The following FYB1 variants were observed in gnomAD, a reference collection of about 807,000 sequenced individuals.
FYB1 encodes FYN binding protein 1.
FYB1 carries 41 observed loss-of-function variants against 94.1 expected under a neutral mutation model. That is an observed-to-expected ratio of 0.44 (90% confidence interval 0.34 to 0.57). The LOEUF (loss-of-function observed/expected upper bound fraction) is 0.57. FYB1 is among the 20% of genes least tolerant of loss of function. The pLI is 0.02. For missense variants in FYB1, 1,050 were observed against 976.8 expected (o/e 1.07, Z -1.00); for synonymous variants, 367 against 353.2 (o/e 1.04, Z -0.44).
At chr5:39,148,155 T>A (rs4957340) in intron 3 of FYB1, among the ~76,000 whole-genome samples, 1,800 of 37,424 alleles carry the variant, frequency 0.048, 216 homozygotes, top group East Asian at 0.17. Context: ...TATGTATTTT[T>A]TATATATATA....
chr5:39,195,531 T>A (rs573340323), intron 2 of FYB1, among the ~76,000 whole-genome samples: 1 of 152,186 alleles, frequency 6.6e-6, no homozygotes, highest in African/African-American at 2.4e-5. Context: ...ATTAGTTAAA[T>A]GATACATACA....
At chr5:39,205,409 G>A (rs766664997) in intron 1 of FYB1, among the ~76,000 whole-genome samples, 1 of 152,176 alleles carries the variant, frequency 6.6e-6, no homozygotes, top group Non-Finnish European at 1.5e-5. Flanking sequence ...ACAACTTGCT[G>A]TGTGTAAAAC....
chr5:39,224,009 T>C (rs1465064019), upstream of FYB1, among the ~76,000 whole-genome samples: 1 of 152,220 alleles, frequency 6.6e-6, no homozygotes, highest in Non-Finnish European at 1.5e-5. Context: ...TTCATGCCTA[T>C]CACTTGTCAA....
chr5:39,200,462 A>T (rs1034414337), intron 2 of FYB1, among the ~76,000 whole-genome samples: 3 of 152,248 alleles, frequency 2.0e-5, no homozygotes, highest in Non-Finnish European at 2.9e-5. Context: ...TGGAGGTCAT[A>T]ATACTAAATT....
chr5:39,221,792 T>A (rs1750274637), upstream of FYB1, among the ~76,000 whole-genome samples: 3 of 151,510 alleles, frequency 2.0e-5, no homozygotes, highest in Admixed American at 1.3e-4. Context: ...AGGTCAGGAG[T>A]TCGAGACTAG....
chr5:39,129,492 A>G lies in FYB1; in HGVS notation c.1840+1098T>C, dbSNP rs530490902. Among the ~76,000 whole-genome samples the G allele has an allele frequency of 7.9e-5, 12 of 152,216 alleles. No homozygotes were observed. In the South Asian group the frequency reaches 1.2e-3, roughly 16 times the overall value. ...ATTAAACTAAAAGCTTCTGTATGGC[A>G]AAGCAATCAACCAACAGAGTGAAGA... is the stretch of plus-strand genomic sequence containing the variant. On this transcript the variant is annotated intron_variant, in intron 10 of 18. Transcript: ENST00000512982.
intron 1 of FYB1, among the ~76,000 whole-genome samples, chr5:39,237,083 A>C (rs1561298378): frequency 6.6e-6 from 1 of 152,110 alleles, no homozygotes; most frequent in Non-Finnish European, 1.5e-5. Context: ...AAGCAAATTT[A>C]ACAAGTAAGT....
intron 1 of FYB1, among the ~76,000 whole-genome samples, chr5:39,253,581 G>C (rs934039121): frequency 6.6e-6 from 1 of 152,184 alleles, no homozygotes; most frequent in African/African-American, 2.4e-5. Flanking sequence ...GTAAGGTATA[G>C]GATTGTTACA....
intron 2 of FYB1, among the ~76,000 whole-genome samples, chr5:39,166,812 G>A (rs529018604): frequency 2.0e-5 from 3 of 152,068 alleles, no homozygotes; most frequent in South Asian, 4.2e-4. Flanking sequence ...AGGGTGGGAG[G>A]GTTGGCAAGA....
intron 1 of FYB1, among the ~76,000 whole-genome samples, chr5:39,204,460 T>C (rs1748665771): frequency 6.6e-6 from 1 of 152,150 alleles, no homozygotes; most frequent in Admixed American, 6.5e-5. Context: ...GCCTGTCTGG[T>C]GTACAATATG....
At chr5:39,249,606 A>G (rs1010962848) in intron 1 of FYB1, among the ~76,000 whole-genome samples, 1 of 152,198 alleles carries the variant, frequency 6.6e-6, no homozygotes, top group Admixed American at 6.5e-5. Flanking sequence ...AAACTATAAT[A>G]GTGAGTCAAA....
chr5:39,110,071 G>A (rs1170667375), intron 17 of FYB1, among the ~76,000 whole-genome samples: 2 of 152,100 alleles, frequency 1.3e-5, no homozygotes, highest in African/African-American at 4.8e-5. Flanking sequence ...GCTTTGACAT[G>A]TCTTCAGTGT....
intron 1 of FYB1, among the ~76,000 whole-genome samples, chr5:39,271,964 A>G (rs1394120607): frequency 6.6e-6 from 1 of 152,228 alleles, no homozygotes; most frequent in Admixed American, 6.5e-5. Context: ...GACATTCTTT[A>G]CTTTCACTAG....
intron 1 of FYB1, among the ~76,000 whole-genome samples, chr5:39,265,101 C>T (rs1159414110): frequency 7.2e-5 from 11 of 152,162 alleles, no homozygotes; most frequent in African/African-American, 9.6e-5. Context: ...TTTGGGAGGC[C>T]GAGGTGGGTG....
chr5:39,252,685 T>C (rs1751780233), intron 1 of FYB1, among the ~76,000 whole-genome samples: 2 of 148,962 alleles, frequency 1.3e-5, no homozygotes, highest in South Asian at 4.2e-4. Context: ...TCTCTTTGTA[T>C]TCTACCGCTA....
chr5:39,133,379 G>C (rs545824279), intron 9 of FYB1, among the ~76,000 whole-genome samples: 1 of 152,082 alleles, frequency 6.6e-6, no homozygotes, highest in Admixed American at 6.6e-5. Flanking sequence ...CAACTTGAGG[G>C]GATTATGGCT....
chr5:39,110,459 A>G, intron 16 of FYB1, 70 bp from the exon 17 acceptor site: 1 of 965,216 alleles, frequency 1.0e-6, no homozygotes, highest in Admixed American at 2.0e-5. Flanking sequence ...TTTTTTCAGG[A>G]AATCAAAACA....
chr5:39,126,173 CA>C, intron 11 of FYB1, 38 bp from the exon 12 acceptor site: 2 of 1,601,158 alleles, frequency 1.2e-6, no homozygotes, highest in South Asian at 2.3e-5. Context: ...ATGTAATAAT[CA>C]GCGGCAAGTG....
chr5:39,110,800 T>C, intron 16 of FYB1: 1 of 372,658 alleles, frequency 2.7e-6, no homozygotes, highest in Non-Finnish European at 5.1e-6. Context: ...ATCTAAGACT[T>C]ACTTTCTAAA....
Sources: allele counts gnomAD v4.1 joint callset (sites outside exome capture counted in the v4.1 genomes callset), GRCh38; gene constraint gnomAD v4.1.1; transcripts MANE v1.5; gene names NCBI Gene and HGNC (gene_info 2026-07-23, HGNC 2026-07-21).